Variants in NTM observed in about 807,000 individuals in gnomAD.
NTM encodes the protein neurotrimin, also known as IgLON family member 2.
Under a neutral mutation model 42.1 loss-of-function variants are expected in NTM, and 13 were observed. The observed-to-expected ratio is 0.31, with a 90% confidence interval of 0.20 to 0.49. The LOEUF (loss-of-function observed/expected upper bound fraction) is 0.49. Ranked by LOEUF, NTM falls within the 20% of genes least tolerant of loss-of-function variation. The pLI is 0.99. For synonymous variants in NTM, 187 were observed against 179.2 expected (o/e 1.04, Z -0.35); for missense variants, 373 against 452.8 (o/e 0.82, Z 1.60).
intron 1 of NTM, among the ~76,000 whole-genome samples, chr11:131,474,524 T>C (rs1053384585): frequency 6.6e-6 from 1 of 152,142 alleles, no homozygotes; most frequent in Admixed American, 6.5e-5. Context: ...CCAGGTACCA[T>C]ATGCCTCAGG....
At chr11:132,230,205 G>C (rs2087213361) in intron 4 of NTM, among the ~76,000 whole-genome samples, 1 of 152,206 alleles carries the variant, frequency 6.6e-6, no homozygotes, top group Non-Finnish European at 1.5e-5. Context: ...GGGACATGCT[G>C]AGTGGGGAAC....
chr11:132,268,668 CTCTGTGTGTG>C (rs1290683362), intron 4 of NTM, among the ~76,000 whole-genome samples: 4 of 138,698 alleles, frequency 2.9e-5, no homozygotes, highest in Non-Finnish European at 6.3e-5. Context: ...CTCTCTCTCT[CTCTGTGTGTG>C]TGTGTGTGTG....
intron 4 of NTM, among the ~76,000 whole-genome samples, chr11:132,289,721 A>AT (rs960635799): frequency 4.2e-4 from 64 of 152,136 alleles, no homozygotes; most frequent in Admixed American, 1.2e-3. Context: ...GTCATGAAGT[A>AT]TTTTTTTAGA....
Position 132,253,689 on chromosome 11 carries a change from C to T in NTM, c.526+41542C>T, listed in dbSNP as rs2092206709. Among the ~76,000 whole-genome samples, 3 of 152,200 alleles carry T rather than the reference C, an allele frequency of 2.0e-5. No homozygotes were observed. In the South Asian group the frequency reaches 6.2e-4, roughly 32 times the overall value. On this transcript the variant is annotated intron_variant, in intron 4 of 8. Transcript: ENST00000683400. Reference sequence around the variant, plus strand: ...GTTTCAGAGTCAACATGATCACTACCAATTACCCTGACTTCCAGTCCAGAG... The same window carrying T: ...GTTTCAGAGTCAACATGATCACTACTAATTACCCTGACTTCCAGTCCAGAG...
intron 2 of NTM, among the ~76,000 whole-genome samples, chr11:132,050,380 A>G (rs900735828): frequency 3.9e-5 from 6 of 152,128 alleles, no homozygotes; most frequent in Admixed American, 3.9e-4. Flanking sequence ...GCCCACCCCT[A>G]CGAGGATTTT....
At chr11:131,723,112 C>T (rs1291760893) in intron 1 of NTM, among the ~76,000 whole-genome samples, 5 of 152,218 alleles carry the variant, frequency 3.3e-5, no homozygotes, top group African/African-American at 7.2e-5. Flanking sequence ...CTCATTTTGC[C>T]GTTCTTTCCA....
At chr11:131,620,273 G>T (rs1051720895) in intron 1 of NTM, among the ~76,000 whole-genome samples, 1 of 152,172 alleles carries the variant, frequency 6.6e-6, no homozygotes, top group Non-Finnish European at 1.5e-5. Context: ...GTCTCCTCAT[G>T]TCTACAGCTA....
intron 1 of NTM, among the ~76,000 whole-genome samples, chr11:131,432,836 A>ATTTTTT (rs1565494754): frequency 3.4e-5 from 3 of 87,390 alleles, no homozygotes; most frequent in African/African-American, 4.5e-5. Context: ...AAGATTTAGC[A>ATTTTTT]TTCTTTTTTT....
At chr11:132,083,648 C>A (rs930529173) in intron 2 of NTM, among the ~76,000 whole-genome samples, 10 of 151,078 alleles carry the variant, frequency 6.6e-5, no homozygotes, top group African/African-American at 1.5e-4. Context: ...AGGCCAATAT[C>A]CCCAGGGGGC....
chr11:132,295,336 C>T (rs2094575449), intron 4 of NTM, among the ~76,000 whole-genome samples: 2 of 152,124 alleles, frequency 1.3e-5, no homozygotes, highest in South Asian at 2.1e-4. Flanking sequence ...ATTCATTCAA[C>T]CTTTGCCCAC....
At chr11:131,480,386 C>A (rs116669037) in intron 1 of NTM, among the ~76,000 whole-genome samples, 1 of 152,102 alleles carries the variant, frequency 6.6e-6, no homozygotes, top group South Asian at 2.1e-4. Context: ...CAAAAGCTGT[C>A]GCTTGATACT....
intron 1 of NTM, among the ~76,000 whole-genome samples, chr11:131,595,339 A>G (rs10894416): frequency 0.41 from 62,523 of 152,060 alleles, 15,246 homozygotes; most frequent in East Asian, 0.57. Context: ...TAAAGACTGT[A>G]CATTCAAGAG....
At chr11:131,495,540 A>G (rs1955247934) in intron 1 of NTM, among the ~76,000 whole-genome samples, 1 of 152,214 alleles carries the variant, frequency 6.6e-6, no homozygotes, top group Non-Finnish European at 1.5e-5. Flanking sequence ...CTGGCCGCCT[A>G]TGCGGTGCTG....
At chr11:132,333,750 T>C (rs942772516) in intron 8 of NTM, among the ~76,000 whole-genome samples, 3 of 152,260 alleles carry the variant, frequency 2.0e-5, no homozygotes, top group African/African-American at 7.2e-5. Flanking sequence ...GATGACCTAT[T>C]GCATTTCAAT....
At chr11:132,212,912 G>T (rs1377249175) in intron 4 of NTM, among the ~76,000 whole-genome samples, 1 of 151,888 alleles carries the variant, frequency 6.6e-6, no homozygotes, top group Non-Finnish European at 1.5e-5. Context: ...AGCCAAAGCG[G>T]TGAAGTTTTC....
chr11:132,317,746 C>T (rs867458650), intron 7 of NTM: 1 of 1,073,410 alleles, frequency 9.3e-7, no homozygotes, highest in Middle Eastern at 2.4e-4. Context: ...CCCAGAGGCC[C>T]CCTTCCCCTG....
chr11:132,091,932 T>G (rs531137682), intron 2 of NTM, among the ~76,000 whole-genome samples: 1 of 152,194 alleles, frequency 6.6e-6, no homozygotes, highest in Non-Finnish European at 1.5e-5. Context: ...AATTAATGAA[T>G]GAAGAAAACA....
At chr11:131,710,816 T>A (rs936907591) in intron 1 of NTM, among the ~76,000 whole-genome samples, 8 of 152,148 alleles carry the variant, frequency 5.3e-5, no homozygotes, top group African/African-American at 1.9e-4. Flanking sequence ...AATGTTTTCA[T>A]AGAGGCATTT....
chr11:132,140,162 G>A (rs1327499727), intron 2 of NTM, among the ~76,000 whole-genome samples: 2 of 152,130 alleles, frequency 1.3e-5, no homozygotes, highest in South Asian at 4.2e-4. Context: ...AGGCCTGAGG[G>A]GCATCAGGAA....
Sources: gnomAD v4.1 joint callset for allele counts (sites outside exome capture counted in the v4.1 genomes callset) on GRCh38, gnomAD v4.1.1 for gene constraint, MANE v1.5 for transcripts, NCBI Gene and HGNC (gene_info 2026-07-23, HGNC 2026-07-21) for gene names.